Variants in JAZF1 observed in about 807,000 individuals in gnomAD.
The protein encoded by JAZF1 is JAZF zinc finger 1.
In JAZF1, 8 loss-of-function variants were observed where a neutral mutation model predicts 26.4. The ratio of observed to expected loss-of-function variants is 0.30; its 90% CI spans 0.18 to 0.55. JAZF1 has a LOEUF of 0.55. JAZF1 is among the 20% of genes least tolerant of loss of function. The pLI is 0.94. For synonymous variants in JAZF1, 126 were observed against 122.3 expected (o/e 1.03, Z -0.20); for missense variants, 199 against 322.0 (o/e 0.62, Z 2.92).
chr7:28,098,973 G>A (rs1446871861), intron 1 of JAZF1, among the ~76,000 whole-genome samples: 1 of 152,134 alleles, frequency 6.6e-6, no homozygotes, highest in Non-Finnish European at 1.5e-5. Flanking sequence ...CTCTCTCTCG[G>A]GCCATGATAG....
chr7:27,962,009 A>G (rs978231041), intron 2 of JAZF1, among the ~76,000 whole-genome samples: 1 of 152,210 alleles, frequency 6.6e-6, no homozygotes. Context: ...CTGTTACCTT[A>G]TCTATAAAAT....
rs11769765 is a variant in JAZF1 at position 27,936,613 on chromosome 7, G to C, written c.189-41197C>G. ...GGTTATATCCAATGCACAAACTCAG[G>C]GACAAAGTATTCCTGAAAGAGTACA... On this transcript the variant is annotated intron_variant, in intron 2 of 4. Coordinates refer to ENST00000283928, the MANE Select transcript of JAZF1 (RefSeq NM_175061.4). 7.8e-3 allele frequency among the ~76,000 whole-genome samples: 1,190 copies of C among 152,188 alleles called. 7 individuals are homozygous for C. The highest frequency in any genetic ancestry group is 0.011 in the Non-Finnish European group (766 of 68,008).
intron 1 of JAZF1, among the ~76,000 whole-genome samples, chr7:28,077,856 C>G (rs1784076297): frequency 6.6e-6 from 1 of 152,144 alleles, no homozygotes; most frequent in African/African-American, 2.4e-5. Context: ...ACCATGGAAA[C>G]TGAGGAAGTG....
intron 1 of JAZF1, among the ~76,000 whole-genome samples, chr7:28,069,665 G>A (rs1339377568): frequency 6.6e-6 from 1 of 152,084 alleles, no homozygotes; most frequent in African/African-American, 2.4e-5. Context: ...AATGACCTAA[G>A]GGGGGAGAAA....
chr7:27,839,552 C>G (rs1782882734), intron 4 of JAZF1, among the ~76,000 whole-genome samples: 1 of 152,224 alleles, frequency 6.6e-6, no homozygotes, highest in Admixed American at 6.5e-5. Context: ...GTCCTGAGAC[C>G]TGTTCTGACC....
intron 1 of JAZF1, among the ~76,000 whole-genome samples, chr7:27,994,095 G>A (rs67479305): frequency 0.15 from 22,928 of 151,632 alleles, 2,224 homozygotes; most frequent in East Asian, 0.48. Context: ...ATTTTTTCCC[G>A]TGTGTATGTG....
intron 1 of JAZF1, among the ~76,000 whole-genome samples, chr7:28,093,133 GA>G (rs1784329586): frequency 6.6e-6 from 1 of 152,144 alleles, no homozygotes; most frequent in South Asian, 2.1e-4. Flanking sequence ...TAGCATCTGT[GA>G]ATTTGGTGTT....
intron 1 of JAZF1, among the ~76,000 whole-genome samples, chr7:28,017,390 T>A (rs1366189406): frequency 6.6e-6 from 1 of 151,650 alleles, no homozygotes; most frequent in Non-Finnish European, 1.5e-5. Context: ...ACTTAGTTAA[T>A]GTTTTGTTTC....
intron 2 of JAZF1, among the ~76,000 whole-genome samples, chr7:27,990,172 A>G (rs111800833): frequency 5.3e-5 from 8 of 152,332 alleles, no homozygotes; most frequent in African/African-American, 1.9e-4. Context: ...TTCTGAGCAA[A>G]CTATTGCAAG....
At chr7:27,897,239 T>C (rs1418097802) in intron 2 of JAZF1, among the ~76,000 whole-genome samples, 1 of 152,182 alleles carries the variant, frequency 6.6e-6, no homozygotes, top group Non-Finnish European at 1.5e-5. Flanking sequence ...TAATTCAAAC[T>C]AGTGTTTCAA....
chr7:27,952,904 C>T (rs1785035092), intron 2 of JAZF1, among the ~76,000 whole-genome samples: 2 of 152,204 alleles, frequency 1.3e-5, no homozygotes, highest in African/African-American at 2.4e-5. Context: ...CCTATTTGAT[C>T]TCTTAAATGT....
At chr7:27,846,837 G>C (rs1783040344) in intron 3 of JAZF1, among the ~76,000 whole-genome samples, 1 of 152,144 alleles carries the variant, frequency 6.6e-6, no homozygotes, top group Admixed American at 6.5e-5. Context: ...TGAGTACTTT[G>C]TAAATTTTGG....
chr7:28,058,927 G>C (rs530604024), intron 1 of JAZF1, among the ~76,000 whole-genome samples: 1 of 150,854 alleles, frequency 6.6e-6, no homozygotes, highest in East Asian at 1.9e-4. Flanking sequence ...CACATCAAGC[G>C]TAACACTAAC....
At chr7:28,123,627 T>G (rs1225589442) in intron 1 of JAZF1, among the ~76,000 whole-genome samples, 3 of 152,250 alleles carry the variant, frequency 2.0e-5, no homozygotes, top group Admixed American at 2.0e-4. Context: ...GCCTGGCCCC[T>G]GCCAGCCACG....
At chr7:27,882,829 G>A (rs183516548) in intron 3 of JAZF1, among the ~76,000 whole-genome samples, 28 of 152,300 alleles carry the variant, frequency 1.8e-4, no homozygotes, top group Admixed American at 1.6e-3. Context: ...GACTGGTGGT[G>A]GCAGGGACGG....
At chr7:28,138,773 T>C (rs1043842640) in intron 1 of JAZF1, among the ~76,000 whole-genome samples, 1 of 152,198 alleles carries the variant, frequency 6.6e-6, no homozygotes, top group Non-Finnish European at 1.5e-5. Context: ...GCTGGAGCAC[T>C]AAATTAGGAG....
intron 2 of JAZF1, among the ~76,000 whole-genome samples, chr7:27,914,429 C>T (rs1784411700): frequency 6.6e-6 from 1 of 152,058 alleles, no homozygotes; most frequent in Non-Finnish European, 1.5e-5. Context: ...ATGGTTGGGC[C>T]GGGGGCTGTA....
chr7:27,878,381 C>CAA (rs1051797332), intron 3 of JAZF1, among the ~76,000 whole-genome samples: 1 of 152,048 alleles, frequency 6.6e-6, no homozygotes, highest in Non-Finnish European at 1.5e-5. Context: ...CTAACACACA[C>CAA]ACACACACCC....
chr7:27,990,979 G>C (rs189303236), intron 2 of JAZF1, among the ~76,000 whole-genome samples: 6 of 152,264 alleles, frequency 3.9e-5, no homozygotes, highest in Admixed American at 2.6e-4. Flanking sequence ...TTTCATAGAA[G>C]AACCTGAAAC....
Sources: gnomAD v4.1 joint callset for allele counts (sites outside exome capture counted in the v4.1 genomes callset) on GRCh38, gnomAD v4.1.1 for gene constraint, MANE v1.5 for transcripts, NCBI Gene and HGNC (gene_info 2026-07-23, HGNC 2026-07-21) for gene names.